The following TRPM1 variants were observed in gnomAD, a reference collection of about 807,000 sequenced individuals.
The protein encoded by TRPM1 is TRPM1-203 APA Isoform, Intron 10.
TRPM1 carries 113 observed loss-of-function variants against 149.4 expected under a neutral mutation model. The ratio of observed to expected loss-of-function variants is 0.76; its 90% CI spans 0.65 to 0.88. TRPM1 has a LOEUF of 0.88. Among genes scored for constraint, TRPM1 ranks in the 40% least tolerant of loss-of-function variants. The pLI, the probability that TRPM1 is intolerant of heterozygous loss-of-function variation, is 0.00. For missense variants in TRPM1, 1,976 were observed against 2,038.7 expected (o/e 0.97, Z 0.59); for synonymous variants, 741 against 759.5 (o/e 0.98, Z 0.40).
In TRPM1 at chr15:31,003,014, T is replaced by C. The variant is rs751093481; in HGVS notation, c.3686A>G (p.Lys1229Arg). ...AAGGTCAACAGTCTGCAGGGAAGTT[T>C]TCATAAAAGTTTCTCTTTCATTGAT... is the stretch of plus-strand genomic sequence containing the variant. The part of the protein sequence containing the change: ...EEINERETFM[K>R]TSLQTVDLRL... The change falls in exon 28 of 28, where the codon AAA becomes AGA. Residue 1229 changes from lysine to arginine, a missense_variant. Transcript: ENST00000256552. 1 of 1,596,058 alleles carries C rather than the reference T, an allele frequency of 6.3e-7. No individual in the cohort carries two copies. The highest frequency in any genetic ancestry group is 1.2e-5 in the South Asian group (1 of 86,668).
chr15:31,120,790 C>G (rs2035863938), intron 1 of TRPM1, among the ~76,000 whole-genome samples: 1 of 150,786 alleles, frequency 6.6e-6, no homozygotes, highest in Admixed American at 6.6e-5. Context: ...TAAACAATAC[C>G]CTTCTAAATA....
intron 1 of TRPM1, among the ~76,000 whole-genome samples, chr15:31,123,535 C>A (rs926221842): frequency 1.3e-5 from 2 of 151,996 alleles, no homozygotes; most frequent in Admixed American, 1.3e-4. Flanking sequence ...GACACCTCAC[C>A]GAAGAAGATA....
chr15:31,080,640 A>T (rs1216151366), intron 2 of TRPM1, among the ~76,000 whole-genome samples: 1 of 7,976 alleles, frequency 1.3e-4, no homozygotes, highest in Non-Finnish European at 2.3e-4. Context: ...GTCCGCCCCC[A>T]TCGTCCTCGA....
rs748058309 is a variant in TRPM1, at chr15:31,061,490, C to T, written c.1114G>A (p.Glu372Lys). The change falls in exon 10 of 28, where the codon GAG becomes AAG. Residue 372 changes from glutamate to lysine, a missense_variant. Glu to Lys is a moderately conservative substitution (Grantham distance 56). Coordinates refer to ENST00000256552, the MANE Select transcript of TRPM1 (RefSeq NM_001252024.2). The stretch of plus-strand genomic sequence containing the variant: ...GCCATCTCGATGTCCTGCTGGCCCT[C>T]AGAACCCATTCTGAACACAGTGACC... ...ELVTVFRMGSEGQQDIEMAIL... is the reference protein window; with the variant it reads ...ELVTVFRMGSKGQQDIEMAIL... 7.4e-6 allele frequency: 12 copies of T among 1,614,146 alleles called. No individual in the cohort carries two copies. In the East Asian group the frequency reaches 2.5e-4, roughly 33 times the overall value.
intron 1 of TRPM1, among the ~76,000 whole-genome samples, chr15:31,123,537 A>G (rs2035906433): frequency 1.3e-5 from 2 of 152,246 alleles, no homozygotes; most frequent in Non-Finnish European, 2.9e-5. Flanking sequence ...CACCTCACCG[A>G]AGAAGATATA....
At chr15:31,048,040 A>C (rs545085923) in intron 13 of TRPM1, 101 bp from the exon 14 acceptor site, 3 of 960,804 alleles carry the variant, frequency 3.1e-6, no homozygotes, top group South Asian at 2.6e-5. Flanking sequence ...AGGCAGGCAG[A>C]TCACTTGAGG....
intron 1 of TRPM1, among the ~76,000 whole-genome samples, chr15:31,092,564 C>T (rs1172933581): frequency 6.6e-6 from 1 of 152,188 alleles, no homozygotes; most frequent in East Asian, 1.9e-4. Flanking sequence ...TTGAGCCTTC[C>T]CCTTTCAGGA....
At chr15:31,073,258 G>A (rs924273986) in intron 3 of TRPM1, among the ~76,000 whole-genome samples, 2 of 152,074 alleles carry the variant, frequency 1.3e-5, no homozygotes, top group African/African-American at 4.8e-5. Flanking sequence ...CTGAAGAGAC[G>A]ACTACTATTT....
At chr15:31,030,066 A>G (rs767049083) in intron 23 of TRPM1, among the ~76,000 whole-genome samples, 1 of 152,252 alleles carries the variant, frequency 6.6e-6, no homozygotes, top group African/African-American at 2.4e-5. Flanking sequence ...TGATACTTGC[A>G]ATAATGATAT....
intron 1 of TRPM1, among the ~76,000 whole-genome samples, chr15:31,113,755 C>T (rs996955053): frequency 6.6e-6 from 1 of 152,186 alleles, no homozygotes; most frequent in Non-Finnish European, 1.5e-5. Flanking sequence ...AGCATGCGGA[C>T]CTTCCCGGTG....
At chr15:31,095,362 A>G (rs2035348765) in intron 1 of TRPM1, among the ~76,000 whole-genome samples, 2 of 152,244 alleles carry the variant, frequency 1.3e-5, no homozygotes, top group Admixed American at 1.3e-4. Context: ...GGTCCATTTT[A>G]TGTGATACAA....
At chr15:31,140,597 C>T (rs970529800) in intron 1 of TRPM1, among the ~76,000 whole-genome samples, 1 of 152,122 alleles carries the variant, frequency 6.6e-6, no homozygotes, top group Non-Finnish European at 1.5e-5. Context: ...ATCCTTCTTG[C>T]TTCTTCTCTT....
chr15:31,097,414 C>G (rs1268946994), intron 1 of TRPM1, among the ~76,000 whole-genome samples: 1 of 152,190 alleles, frequency 6.6e-6, no homozygotes, highest in Non-Finnish European at 1.5e-5. Flanking sequence ...ACTGGCTTGC[C>G]TCTCAGAGCA....
chr15:31,097,297 C>G (rs1049878528), intron 1 of TRPM1, among the ~76,000 whole-genome samples: 11 of 132,312 alleles, frequency 8.3e-5, no homozygotes, highest in Admixed American at 6.7e-4. Context: ...GGCCATGGAA[C>G]TGAGCATTTA....
intron 17 of TRPM1, 104 bp downstream of exon 17, chr15:31,041,847 A>T: frequency 7.9e-7 from 1 of 1,260,228 alleles, no homozygotes; most frequent in Non-Finnish European, 1.1e-6. Flanking sequence ...AGCTTTAACC[A>T]CCATTGTCCT....
At position 31,066,086 on chromosome 15, in the gene TRPM1, C is replaced by A. The variant is rs773501136; in HGVS notation, c.780G>T (p.Lys260Asn). 6.2e-7 allele frequency: 1 copy of A among 1,613,968 alleles called. No homozygotes were observed. The highest frequency in any genetic ancestry group is 8.5e-7 in the Non-Finnish European group (1 of 1,179,934). ...RLLEKHISLQ[K>N]INTRLGQGVP... ...TTTGCCAGCACTTACTTGTGTTGAT[C>A]TTCTGCAGGGAGATGTGCTTTTCCA... The change falls in exon 7 of 28, where the codon AAG (lysine) becomes AAT (asparagine). Residue 260 changes from lysine (K) to asparagine (N), a missense_variant. Lys to Asn is a moderately conservative substitution (Grantham distance 94). Coordinates refer to ENST00000256552, the MANE Select transcript of TRPM1 (RefSeq NM_001252024.2).
At chr15:31,059,073 A>G (rs911752903) in intron 11 of TRPM1, among the ~76,000 whole-genome samples, 18 of 152,020 alleles carry the variant, frequency 1.2e-4, no homozygotes, top group African/African-American at 4.3e-4. Flanking sequence ...ACAGAGTGAG[A>G]CTCCATTTCA....
At chr15:31,154,371 G>A (rs1319344132) in intron 1 of TRPM1, among the ~76,000 whole-genome samples, 1 of 152,166 alleles carries the variant, frequency 6.6e-6, no homozygotes, top group Non-Finnish European at 1.5e-5. Context: ...TGAGGACTGG[G>A]GAACAGAGGA....
intron 11 of TRPM1, among the ~76,000 whole-genome samples, chr15:31,056,635 T>A (rs1451006032): frequency 6.6e-6 from 1 of 152,214 alleles, no homozygotes; most frequent in Non-Finnish European, 1.5e-5. Flanking sequence ...TGCTGAGAGA[T>A]GGGACCTTTA....
Sources: gnomAD v4.1 joint callset for allele counts (sites outside exome capture counted in the v4.1 genomes callset) on GRCh38, gnomAD v4.1.1 for gene constraint, MANE v1.5 for transcripts, NCBI Gene and HGNC (gene_info 2026-07-23, HGNC 2026-07-21) for gene names.